The following ZNF821 variants were observed in gnomAD, a reference collection of about 807,000 sequenced individuals.
The protein encoded by ZNF821 is zinc finger protein 821.
A neutral mutation model predicts 44.3 loss-of-function variants in ZNF821; 16 were observed. The observed-to-expected ratio is 0.36, with a 90% CI of 0.24 to 0.55. The LOEUF (loss-of-function observed/expected upper bound fraction) is 0.55. Ranked by LOEUF, ZNF821 falls within the 20% of genes least tolerant of loss-of-function variation. ZNF821 has a pLI of 0.86. For missense variants in ZNF821, 436 were observed against 547.6 expected (o/e 0.80, Z 2.03); for synonymous variants, 204 against 197.6 (o/e 1.03, Z -0.27).
chr16:71,889,818 T>A (rs2036876045), intron 1 of ZNF821, among the ~76,000 whole-genome samples: 1 of 152,128 alleles, frequency 6.6e-6, no homozygotes, highest in African/African-American at 2.4e-5. Flanking sequence ...CCAGGTATGG[T>A]GGCATGGCAT....
At chr16:71,877,513 G>C (rs899996349) in intron 3 of ZNF821, among the ~76,000 whole-genome samples, 5 of 152,096 alleles carry the variant, frequency 3.3e-5, no homozygotes, top group African/African-American at 1.2e-4. Flanking sequence ...TCCTGCCTTG[G>C]CCTCCCAAAG....
chr16:71,874,335 A>G (rs752924454), intron 3 of ZNF821, among the ~76,000 whole-genome samples: 9 of 152,218 alleles, frequency 5.9e-5, no homozygotes, highest in Non-Finnish European at 2.9e-5. Context: ...CCCAGAAGGC[A>G]GATCTAATGA....
At chr16:71,890,390 C>CT (rs11298803) in intron 1 of ZNF821, among the ~76,000 whole-genome samples, 45 of 145,572 alleles carry the variant, frequency 3.1e-4, no homozygotes, top group Admixed American at 1.8e-3. Context: ...AGTCAGCAAA[C>CT]TTTTTTTTTT....
At chr16:71,894,549 T>G in intron 1 of ZNF821, 2 of 281,770 alleles carry the variant, frequency 7.1e-6, no homozygotes, top group Non-Finnish European at 1.3e-5. Context: ...CCCGGCCCTT[T>G]TTCTTTTTTT....
At chr16:71,887,176 G>A (rs1017024872), upstream of ZNF821, among the ~76,000 whole-genome samples, 10 of 151,058 alleles carry the variant, frequency 6.6e-5, no homozygotes, top group African/African-American at 2.4e-4. Flanking sequence ...GTAAACATAT[G>A]TCTTTACATT....
chr16:71,862,925 G>A (rs952749313), intron 6 of ZNF821, among the ~76,000 whole-genome samples: 2 of 151,722 alleles, frequency 1.3e-5, no homozygotes, highest in African/African-American at 4.8e-5. Flanking sequence ...GACACGTCTC[G>A]TTTTGTCACC....
chr16:71,884,855 C>T (rs1337677442), upstream of ZNF821: 3 of 112,322 alleles, frequency 2.7e-5, no homozygotes, highest in South Asian at 3.2e-4. Context: ...GCCGTTGGAC[C>T]TTTTTTTTTT....
Position 71,864,138 on chromosome 16 carries a change from C to G in ZNF821, c.417G>C (p.Gln139His). ...SREQLIAHVY[Q>H]HTAAVVSAKS... Reference sequence around the variant, plus strand: ...GAGCACACAGCTCCCCCATCCATACCTGGTACACGTGAGCAATCAACTGCT... The same window carrying G: ...GAGCACACAGCTCCCCCATCCATACGTGGTACACGTGAGCAATCAACTGCT... The change falls in exon 6 of 8, where the codon CAG (glutamine) becomes CAC (histidine). Residue 139 changes from glutamine (Q) to histidine (H), a missense_variant and splice_region_variant. By Grantham distance (24) the Gln-to-His change is conservative. Around this residue, in one of 5 missense-constraint regions of ZNF821, gnomAD observed 238 missense variants for 281.4 expected, o/e 0.85. Transcript: ENST00000425432. The G allele has an allele frequency of 6.2e-7, 1 of 1,613,798 alleles. No individual in the cohort carries two copies. The highest frequency in any genetic ancestry group is 8.5e-7 in the Non-Finnish European group (1 of 1,179,752).
exon 1 of ZNF821, chr16:71,895,104 G>T: frequency 2.8e-6 from 1 of 360,978 alleles, no homozygotes; most frequent in Non-Finnish European, 5.1e-6. Flanking sequence ...CCACCCAGGG[G>T]GAAAGTCCAG....
intron 3 of ZNF821, among the ~76,000 whole-genome samples, chr16:71,877,636 T>C (rs545019454): frequency 5.0e-4 from 76 of 152,166 alleles, no homozygotes; most frequent in African/African-American, 1.8e-3. Flanking sequence ...TGTAGGGTTT[T>C]AGCCAGCTGC....
intron 6 of ZNF821, among the ~76,000 whole-genome samples, chr16:71,863,421 T>TTTTTTA (rs1555500247): frequency 6.9e-6 from 1 of 144,452 alleles, no homozygotes; most frequent in South Asian, 2.3e-4. Flanking sequence ...TTTTTTTTTT[T>TTTTTTA]AATACAGTCT....
intron 7 of ZNF821, 31 bp downstream of exon 7, chr16:71,861,745 C>T (rs753798011): frequency 9.9e-6 from 16 of 1,610,266 alleles, no homozygotes; most frequent in African/African-American, 6.7e-5. Context: ...TAATTTGCTC[C>T]CAGCACAACA....
chr16:71,867,049 G>C (rs577173936), intron 4 of ZNF821, among the ~76,000 whole-genome samples: 1 of 152,220 alleles, frequency 6.6e-6, no homozygotes, highest in African/African-American at 2.4e-5. Context: ...AATCCATGAG[G>C]CTCAACTTGT....
At chr16:71,862,086 G>T in intron 6 of ZNF821, 144 bp from the exon 7 acceptor site, 1 of 962,406 alleles carries the variant, frequency 1.0e-6, no homozygotes, top group Non-Finnish European at 1.5e-6. Flanking sequence ...CCCTAGAAAA[G>T]TCAGTCTCTT....
At chr16:71,894,762 C>G in intron 1 of ZNF821, 1 of 1,131,924 alleles carries the variant, frequency 8.8e-7, no homozygotes, top group South Asian at 1.4e-5. Flanking sequence ...TCTGCAACTC[C>G]CGGGCTCAAG....
At chr16:71,871,098 A>AT (rs1312996849) in intron 3 of ZNF821, among the ~76,000 whole-genome samples, 2 of 152,124 alleles carry the variant, frequency 1.3e-5, no homozygotes, top group Admixed American at 6.6e-5. Context: ...CTCAAAAGTT[A>AT]TTTTTTTCTA....
At chr16:71,873,082 G>A (rs975897197) in intron 3 of ZNF821, among the ~76,000 whole-genome samples, 9 of 152,238 alleles carry the variant, frequency 5.9e-5, no homozygotes, top group Non-Finnish European at 1.3e-4. Context: ...AGTACTTTGG[G>A]AGGCTGAGGT....
chr16:71,886,905 GTGAT>G (rs1209610576), upstream of ZNF821, among the ~76,000 whole-genome samples: 1 of 152,192 alleles, frequency 6.6e-6, no homozygotes, highest in Non-Finnish European at 1.5e-5. Flanking sequence ...TCATATAAAT[GTGAT>G]TGATTATACA....
At chr16:71,883,380 C>A in intron 1 of ZNF821, 107 bp from the exon 2 acceptor site, 1 of 359,146 alleles carries the variant, frequency 2.8e-6, no homozygotes, top group East Asian at 7.4e-5. Context: ...GATGGTCCCT[C>A]TGCTTCTTCA....
Sources: gnomAD v4.1 joint callset for allele counts (sites outside exome capture counted in the v4.1 genomes callset) on GRCh38, gnomAD v4.1.1 for gene constraint, gnomAD v4.1.1 regional missense constraint, MANE v1.5 for transcripts, NCBI Gene and HGNC (gene_info 2026-07-23, HGNC 2026-07-21) for gene names.